The following PCDH15 variants were observed in gnomAD, a reference collection of about 807,000 sequenced individuals.
The protein encoded by PCDH15 is protocadherin related 15, also known as protocadherin-15.
In PCDH15, 129 loss-of-function variants were observed where a neutral mutation model predicts 178.5. The observed-to-expected ratio is 0.72, with a 90% CI of 0.63 to 0.84. The LOEUF is 0.84. Ranked by LOEUF, PCDH15 falls within the 40% of genes least tolerant of loss-of-function variation. PCDH15 has a pLI of 0.00. For synonymous variants in PCDH15, 800 were observed against 732.0 expected (o/e 1.09, Z -1.50); for missense variants, 2,230 against 2,099.9 (o/e 1.06, Z -1.21).
chr10:54,490,307 G>A (rs2079464404), intron 3 of PCDH15, among the ~76,000 whole-genome samples: 1 of 152,042 alleles, frequency 6.6e-6, no homozygotes, highest in Non-Finnish European at 1.5e-5. Flanking sequence ...AAAATTAGAT[G>A]GGCGTGGTGG....
chr10:54,547,992 A>G (rs1463351333), intron 2 of PCDH15, among the ~76,000 whole-genome samples: 1 of 150,558 alleles, frequency 6.6e-6, no homozygotes, highest in Non-Finnish European at 1.5e-5. Context: ...TTGATATTTT[A>G]TGTTTTTAAA....
intron 2 of PCDH15, among the ~76,000 whole-genome samples, chr10:55,438,328 G>T (rs1839096732): frequency 6.6e-6 from 1 of 151,524 alleles, no homozygotes; most frequent in African/African-American, 2.4e-5. Flanking sequence ...CTTTTCCCCT[G>T]GATTATAAAG....
chr10:54,433,911 A>C (rs1187576147), intron 3 of PCDH15, among the ~76,000 whole-genome samples: 1 of 152,208 alleles, frequency 6.6e-6, no homozygotes, highest in East Asian at 1.9e-4. Flanking sequence ...GAGATATTGC[A>C]CAAGAAGGCA....
intron 2 of PCDH15, among the ~76,000 whole-genome samples, chr10:55,625,585 C>G (rs1443595188): frequency 6.6e-6 from 1 of 152,112 alleles, no homozygotes; most frequent in Non-Finnish European, 1.5e-5. Flanking sequence ...AAAAACTGTT[C>G]TAGAGCCTGG....
At chr10:55,558,278 T>G (rs1029637470) in intron 2 of PCDH15, among the ~76,000 whole-genome samples, 3 of 152,170 alleles carry the variant, frequency 2.0e-5, no homozygotes, top group Non-Finnish European at 4.4e-5. Context: ...GATCAATCAC[T>G]TTCTTGGGGA....
intron 2 of PCDH15, among the ~76,000 whole-genome samples, chr10:55,053,110 G>T (rs1591861807): frequency 6.6e-6 from 1 of 152,156 alleles, no homozygotes; most frequent in South Asian, 2.1e-4. Flanking sequence ...CCTATTATAT[G>T]TGGCTGACAA....
At chr10:55,473,104 A>G (rs1417524241) in intron 2 of PCDH15, among the ~76,000 whole-genome samples, 6 of 152,210 alleles carry the variant, frequency 3.9e-5, no homozygotes, top group African/African-American at 1.2e-4. Context: ...GAGTTATACA[A>G]ATGGAAAACA....
At chr10:55,143,980 T>C (rs1838424758) in intron 2 of PCDH15, among the ~76,000 whole-genome samples, 1 of 148,858 alleles carries the variant, frequency 6.7e-6, no homozygotes, top group African/African-American at 2.5e-5. Context: ...CATTAGGACC[T>C]AGAGAAATTT....
intron 10 of PCDH15, among the ~76,000 whole-genome samples, chr10:54,204,354 C>CA (rs1554837282): frequency 1.8e-3 from 76 of 41,438 alleles, no homozygotes; most frequent in East Asian, 6.9e-3. Flanking sequence ...TAAAGTGTTG[C>CA]AAAAAAAAAA....
chr10:53,842,657 A>T (rs2077731343), intron 28 of PCDH15, among the ~76,000 whole-genome samples: 1 of 152,214 alleles, frequency 6.6e-6, no homozygotes, highest in Non-Finnish European at 1.5e-5. Context: ...ATTCAACAAA[A>T]TGAATCTTAT....
At chr10:55,190,810 G>C (rs1225638473) in intron 1 of PCDH15, among the ~76,000 whole-genome samples, 2 of 151,586 alleles carry the variant, frequency 1.3e-5, no homozygotes, top group African/African-American at 4.8e-5. Flanking sequence ...CTCTCATTTA[G>C]TGCACAAAAC....
At chr10:55,227,887 C>T (rs1841097439) in intron 1 of PCDH15, among the ~76,000 whole-genome samples, 1 of 152,014 alleles carries the variant, frequency 6.6e-6, no homozygotes, top group South Asian at 2.1e-4. Flanking sequence ...AACCACAAAA[C>T]ATACATAATT....
At chr10:54,914,521 T>C (rs1264033364) in intron 2 of PCDH15, among the ~76,000 whole-genome samples, 2 of 140,176 alleles carry the variant, frequency 1.4e-5, no homozygotes, top group Non-Finnish European at 1.7e-5. Context: ...ACAATCAAGA[T>C]CAAAGTTACT....
Position 54,229,585 on chromosome 10 carries a change from C to T in PCDH15, c.985+7238G>A, listed in dbSNP as rs373639129. On this transcript the variant is annotated intron_variant, in intron 9 of 37. Transcript: ENST00000644397. The stretch of plus-strand genomic sequence containing the variant: ...ATCATGAAGGCGGGTCTTTCCTGTA[C>T]TCTTCTCGTGAAAGTGAATAAGTCT... 2.1e-4 allele frequency among the ~76,000 whole-genome samples: 32 copies of T among 152,238 alleles called. 1 individual carries two copies. Among genetic ancestry groups the T allele is most frequent in the African/African-American group, 7.2e-4 (30 of 41,528 alleles).
chr10:53,868,492 T>C (rs2079607792), intron 26 of PCDH15, among the ~76,000 whole-genome samples: 1 of 152,178 alleles, frequency 6.6e-6, no homozygotes, highest in African/African-American at 2.4e-5. Context: ...CTCTGTCTTA[T>C]GCAGTAGGTA....
intron 2 of PCDH15, among the ~76,000 whole-genome samples, chr10:54,617,403 C>G (rs1055454459): frequency 6.6e-6 from 1 of 152,012 alleles, no homozygotes; most frequent in Admixed American, 6.6e-5. Flanking sequence ...TTTTCAAAGC[C>G]ATCTTACTCA....
chr10:54,301,626 G>A (rs1013962763), intron 8 of PCDH15, among the ~76,000 whole-genome samples: 4 of 152,182 alleles, frequency 2.6e-5, no homozygotes, highest in African/African-American at 9.7e-5. Flanking sequence ...ACTGGGCCTT[G>A]ATATAACTCT....
chr10:54,269,821 A>C (rs1308717734), intron 8 of PCDH15, among the ~76,000 whole-genome samples: 1 of 152,004 alleles, frequency 6.6e-6, no homozygotes, highest in African/African-American at 2.4e-5. Flanking sequence ...CCTACAATCA[A>C]CTATTTCTGG....
At chr10:55,220,652 T>C (rs1230117603) in intron 1 of PCDH15, among the ~76,000 whole-genome samples, 1 of 152,092 alleles carries the variant, frequency 6.6e-6, no homozygotes, top group Non-Finnish European at 1.5e-5. Flanking sequence ...AGTACGTACG[T>C]ATCTAAACTT....
Sources: allele counts gnomAD v4.1 joint callset (sites outside exome capture counted in the v4.1 genomes callset), GRCh38; gene constraint gnomAD v4.1.1; transcripts MANE v1.5; gene names NCBI Gene and HGNC (gene_info 2026-07-23, HGNC 2026-07-21).